Variants in KATNIP observed in about 807,000 individuals in gnomAD.
KATNIP encodes katanin-interacting protein.
A neutral mutation model predicts 174.0 loss-of-function variants in KATNIP; 126 were observed. The ratio of observed to expected loss-of-function variants is 0.72; its 90% confidence interval spans 0.63 to 0.84. The LOEUF (loss-of-function observed/expected upper bound fraction) is 0.84, where lower values mean the gene tolerates loss of function less well. KATNIP is among the 40% of genes least tolerant of loss of function. The probability of loss-of-function intolerance (pLI) is 0.00; values close to 1 mark genes in which losing one functional copy is unlikely to be tolerated. For missense variants in KATNIP, 1,958 were observed against 2,109.7 expected (o/e 0.93, Z 1.41); for synonymous variants, 810 against 835.7 (o/e 0.97, Z 0.53).
intron 7 of KATNIP, chr16:27,679,155 C>T (rs1196536725): frequency 6.6e-6 from 1 of 152,204 alleles, no homozygotes; most frequent in Non-Finnish European, 1.5e-5. Context: ...GACAAAGTAC[C>T]ACAGACTGGG....
chr16:27,693,065 C>T (rs2078790875), intron 8 of KATNIP, among the ~76,000 whole-genome samples: 1 of 152,082 alleles, frequency 6.6e-6, no homozygotes, highest in Admixed American at 6.5e-5. Context: ...ATCCTTTTTG[C>T]ACTGAGTAAG....
chr16:27,763,148 T>C (rs2082007618), intron 19 of KATNIP, among the ~76,000 whole-genome samples: 1 of 150,316 alleles, frequency 6.7e-6, no homozygotes, highest in Non-Finnish European at 1.5e-5. Context: ...AATGTGTCTC[T>C]ACAAAAGAAA....
chr16:27,655,668 C>CG lies in KATNIP; in HGVS notation c.540+6933_540+6934insG, dbSNP rs1355217004. On this transcript the variant is annotated intron_variant, in intron 6 of 27. Transcript: ENST00000261588. ...AGCACCATGTTGAGCATGTAACATC[C>CG]ATCACGACGTTAACCCTGTGAGTTA... Among the ~76,000 whole-genome samples the CG allele has an allele frequency of 3.3e-5, 5 of 152,244 alleles. No individual in the cohort carries two copies. The East Asian group carries it at 9.6e-4, about 29-fold the overall frequency.
At chr16:27,589,041 T>C (rs1306244811) in intron 2 of KATNIP, among the ~76,000 whole-genome samples, 3 of 151,564 alleles carry the variant, frequency 2.0e-5, no homozygotes, top group Non-Finnish European at 4.4e-5. Flanking sequence ...GGATTATAGG[T>C]GTGCACCACC....
intron 19 of KATNIP, 130 bp downstream of exon 19, chr16:27,761,720 A>C (rs1437259905): frequency 1.2e-6 from 1 of 840,848 alleles, no homozygotes; most frequent in African/African-American, 1.7e-5. Flanking sequence ...CTGTGAGGTA[A>C]TGTGGTCAAG....
chr16:27,647,281 G>C (rs974980136), intron 5 of KATNIP, among the ~76,000 whole-genome samples: 1 of 152,134 alleles, frequency 6.6e-6, no homozygotes, highest in Non-Finnish European at 1.5e-5. Flanking sequence ...TTTCATTTTA[G>C]GATATCTGCA....
intron 14 of KATNIP, among the ~76,000 whole-genome samples, chr16:27,731,308 G>A (rs369802344): frequency 8.5e-5 from 13 of 152,324 alleles, no homozygotes; most frequent in African/African-American, 2.9e-4. Flanking sequence ...GCCCTGCAGC[G>A]CAGTGTCTCT....
intron 1 of KATNIP, among the ~76,000 whole-genome samples, chr16:27,571,742 C>T (rs372606499): frequency 3.9e-5 from 6 of 152,352 alleles, no homozygotes; most frequent in South Asian, 2.1e-4. Context: ...GACCCCAACC[C>T]GCTTTGTGCC....
chr16:27,574,983 G>A (rs546982842), intron 2 of KATNIP, among the ~76,000 whole-genome samples: 9 of 152,108 alleles, frequency 5.9e-5, no homozygotes, highest in Non-Finnish European at 1.0e-4. Context: ...CCCCCTCCCC[G>A]CCTCTGAGCC....
intron 2 of KATNIP, among the ~76,000 whole-genome samples, chr16:27,607,397 C>T (rs773100694): frequency 3.3e-5 from 5 of 152,074 alleles, no homozygotes; most frequent in African/African-American, 7.2e-5. Context: ...TTGCTGCGTG[C>T]GTTAAATAAG....
intron 14 of KATNIP, among the ~76,000 whole-genome samples, chr16:27,732,744 G>C (rs1462039501): frequency 6.6e-6 from 1 of 152,218 alleles, no homozygotes; most frequent in Non-Finnish European, 1.5e-5. Flanking sequence ...TAGACCTACA[G>C]TTAGGATAAA....
intron 5 of KATNIP, among the ~76,000 whole-genome samples, chr16:27,638,721 T>G (rs536955557): frequency 7.2e-5 from 11 of 152,278 alleles, no homozygotes; most frequent in Admixed American, 7.2e-4. Flanking sequence ...CGTGGTGGGA[T>G]GCAGTGGTCC....
At chr16:27,774,799 C>T (rs541560583) in intron 23 of KATNIP, 146 bp from the exon 24 acceptor site, 15 of 875,436 alleles carry the variant, frequency 1.7e-5, no homozygotes, top group South Asian at 4.9e-5. Flanking sequence ...CCCCAGGACA[C>T]GTCCAATTCA....
chr16:27,721,435 C>A, intron 13 of KATNIP, 123 bp from the exon 14 acceptor site: 1 of 1,148,572 alleles, frequency 8.7e-7, no homozygotes, highest in Non-Finnish European at 1.3e-6. Context: ...GGTGGCCTGG[C>A]TGTCTGCCCT....
rs776633630 is a variant in KATNIP at position 27,777,755 on chromosome 16, AAC to A, written c.4702_4703del (p.Thr1568HisfsTer4). 1.2e-6 allele frequency: 2 copies of A among 1,613,830 alleles called. No homozygotes were observed. The highest frequency in any genetic ancestry group is 2.2e-5 in the South Asian group (2 of 91,002). Reference sequence around the variant, plus strand: ...GACAGGGACATCCGCCACCAGGAGAAACACACCACCATCAGGTAGGGCCCCAG... The same window carrying A: ...GACAGGGACATCCGCCACCAGGAGAAACACCACCATCAGGTAGGGCCCCAG... On this transcript the variant is annotated frameshift_variant, in exon 26 of 28. Transcript: ENST00000261588. LOFTEE classifies it high-confidence loss of function. This position sits in a 1 kb window ranked among gnomAD's most constrained non-coding sequence, Gnocchi z 4.4.
intron 2 of KATNIP, among the ~76,000 whole-genome samples, chr16:27,589,296 C>T (rs895292138): frequency 1.2e-4 from 19 of 152,268 alleles, no homozygotes; most frequent in African/African-American, 4.3e-4. Context: ...CAGGGGTCAA[C>T]AAACTTTTTT....
chr16:27,713,851 T>TA (rs1350785243), intron 13 of KATNIP, among the ~76,000 whole-genome samples: 2 of 86,810 alleles, frequency 2.3e-5, no homozygotes, highest in Non-Finnish European at 4.6e-5. Flanking sequence ...TATATATATA[T>TA]ATATATCTAT....
At chr16:27,710,287 G>A (rs1597246205) in intron 13 of KATNIP, among the ~76,000 whole-genome samples, 4 of 152,154 alleles carry the variant, frequency 2.6e-5, no homozygotes, top group Admixed American at 2.0e-4. Flanking sequence ...GAACCTGGGA[G>A]GGGAGGTTGC....
At chr16:27,726,879 A>G (rs973867938) in intron 14 of KATNIP, among the ~76,000 whole-genome samples, 3 of 152,104 alleles carry the variant, frequency 2.0e-5, no homozygotes, top group African/African-American at 7.2e-5. Flanking sequence ...GGGAACAAGG[A>G]GTGTCATGAG....
Sources: allele counts gnomAD v4.1 joint callset (sites outside exome capture counted in the v4.1 genomes callset), GRCh38; gene constraint gnomAD v4.1.1; non-coding constraint Gnocchi (gnomAD v3.1); transcripts MANE v1.5; gene names NCBI Gene and HGNC (gene_info 2026-07-23, HGNC 2026-07-21).